The following DRP2 variants were observed in gnomAD, a reference collection of about 807,000 sequenced individuals.
DRP2 encodes dystrophin-related protein 2.
Under a neutral mutation model 78.2 loss-of-function variants are expected in DRP2, and 29 were observed. That is an observed-to-expected ratio of 0.37 (90% confidence interval 0.28 to 0.51). The LOEUF (loss-of-function observed/expected upper bound fraction) is 0.51. Among genes scored for constraint, DRP2 ranks in the 20% least tolerant of loss-of-function variants. The pLI, the probability that DRP2 is intolerant of heterozygous loss-of-function variation, is 0.94. For missense variants in DRP2, 686 were observed against 770.6 expected, an observed-to-expected ratio of 0.89 and a Z score of 1.30; for synonymous variants, 290 against 281.9, an observed-to-expected ratio of 1.03 and a Z score of -0.29.
intron 2 of DRP2, among the ~76,000 whole-genome samples, chrX:101,229,864 C>T (rs1173975210): frequency 1.8e-5 from 2 of 111,865 alleles, no homozygotes; most frequent in Non-Finnish European, 3.8e-5. Flanking sequence ...ACTTTGTCCC[C>T]ATATTTCTCC....
chrX:101,260,626 G>A lies in DRP2; in HGVS notation c.*5G>A, dbSNP rs770416185. The A allele has an allele frequency of 1.3e-5, 16 of 1,204,849 alleles. No individual in the cohort carries two copies. Among genetic ancestry groups the A allele is most frequent in the South Asian group, 5.4e-5 (3 of 55,213 alleles). On this transcript the variant is annotated 3_prime_UTR_variant, in exon 24 of 24. Coordinates refer to ENST00000395209, the MANE Select transcript of DRP2 (RefSeq NM_001939.3). ...AACACCCTGCTGGCCTCTTGATGGA[G>A]CCAGATCCCCATCCTATAGTTCATA...
Position 101,263,342 on chromosome X carries a change from G to A in DRP2, c.*2721G>A, listed in dbSNP as rs1333959201. 3 of 112,460 alleles carry A rather than the reference G, an allele frequency of 2.7e-5. No individual in the cohort carries two copies. The highest frequency in any genetic ancestry group is 9.7e-5 in the African/African-American group (3 of 30,914). 9.3% of individuals were successfully genotyped at this position (112,460 alleles called of 1,213,427 possible). A position where few individuals can be genotyped will look rare whatever the true frequency, so the allele number is the denominator to read the frequency against. ...CTGTGTAGTTTATAGCCCTACACTG[G>A]AAGGATGGTGAAGGGAGTTGCTAGA... On this transcript the variant is annotated 3_prime_UTR_variant, in exon 24 of 24. Coordinates refer to ENST00000395209, the MANE Select transcript of DRP2 (RefSeq NM_001939.3).
chrX:101,253,276 G>T (rs967247135), intron 17 of DRP2, among the ~76,000 whole-genome samples: 1 of 110,945 alleles, frequency 9.0e-6, no homozygotes, highest in African/African-American at 3.3e-5. Context: ...TGGTAACCAT[G>T]TCCTCCATAC....
chrX:101,251,170 AATT>A (rs1923129588), intron 16 of DRP2, 87 bp downstream of exon 16: 3 of 865,487 alleles, frequency 3.5e-6, no homozygotes, highest in Non-Finnish European at 4.8e-6. Flanking sequence ...AGTGTCACCT[AATT>A]ATTATATAAT....
chrX:101,235,440 C>T (rs1443144253), intron 3 of DRP2, among the ~76,000 whole-genome samples: 1 of 112,156 alleles, frequency 8.9e-6, no homozygotes, highest in East Asian at 2.8e-4. Flanking sequence ...ACTGTAGGAC[C>T]CTGAAGTATG....
chrX:101,243,003 T>C (rs377656160), intron 9 of DRP2, 21 bp downstream of exon 9: 74 of 1,195,551 alleles, frequency 6.2e-5, no homozygotes, highest in Non-Finnish European at 8.4e-5. Flanking sequence ...CAAACTGGAC[T>C]CCACTTAGCA....
chrX:101,222,057 G>GGT (rs748275062), intron 1 of DRP2, among the ~76,000 whole-genome samples: 5 of 110,157 alleles, frequency 4.5e-5, no homozygotes, highest in South Asian at 3.8e-4. Context: ...AAGTGTTGGG[G>GGT]GTGTGTGTGT....
In DRP2 at chrX:101,260,879, C is replaced by T. The variant is rs772736134; in HGVS notation, c.*258C>T. ...AAGTTCGAGATCAGCCCTTTAAGTA[C>T]CTTTCTGTTGCAGCCCAGGCAAATA... is the stretch of plus-strand genomic sequence containing the variant. On this transcript the variant is annotated 3_prime_UTR_variant, in exon 24 of 24. Coordinates refer to ENST00000395209, the MANE Select transcript of DRP2 (RefSeq NM_001939.3). 1 of 300,736 alleles carries T rather than the reference C, an allele frequency of 3.3e-6. No homozygotes were observed. Among genetic ancestry groups the T allele is most frequent in the Non-Finnish European group, 5.7e-6 (1 of 174,795 alleles). 24.8% of individuals were successfully genotyped at this position (300,736 alleles called of 1,213,427 possible).
chrX:101,258,319 G>A lies in DRP2; in HGVS notation c.2401G>A (p.Gly801Arg). 8.5e-7 allele frequency: 1 copy of A among 1,177,147 alleles called. No homozygotes were observed. The highest frequency in any genetic ancestry group is 1.1e-6 in the Non-Finnish European group (1 of 877,597). Residue 801 changes from glycine to arginine, a missense_variant, in exon 22 of 24, where the codon GGA becomes AGA. This residue lies in a region of DRP2 where 423 missense variants were observed against 531.5 expected (regional missense o/e 0.80). Coordinates refer to ENST00000395209, the MANE Select transcript of DRP2 (RefSeq NM_001939.3). ...CTCTCTCCATGGCAGGATTCTCCAGGGAGAGCTGAGGCGCCTGAAGTGGCA... is the reference window on the plus strand; with the variant it reads ...CTCTCTCCATGGCAGGATTCTCCAGAGAGAGCTGAGGCGCCTGAAGTGGCA... ...HLEDENRILQ[G>R]ELRRLKWQHE...
Position 101,241,751 on chromosome X carries a change from T to C in DRP2, c.643T>C (p.Leu215=), listed in dbSNP as rs1342939581. The C allele has an allele frequency of 8.3e-7, 1 of 1,211,696 alleles. No homozygotes were observed. Among genetic ancestry groups the C allele is most frequent in the Admixed American group, 2.2e-5 (1 of 46,011 alleles). The stretch of plus-strand genomic sequence containing the variant: ...GGTGGCCAGTGAACTGTGGGAGAAG[T>C]TGACAGCCCGCTGTGTGGACCAGCA... ...ATVASELWEK[L]TARCVDQHRH... The change falls in exon 7 of 24, where the codon TTG becomes CTG. Residue 215 remains leucine (L), a synonymous_variant. Coordinates refer to ENST00000395209, the MANE Select transcript of DRP2 (RefSeq NM_001939.3).
At position 101,250,551 on chromosome X, in the gene DRP2, G is replaced by A. The variant is rs768644640; in HGVS notation, c.1669G>A (p.Glu557Lys). Residue 557 changes from glutamate (E) to lysine (K), a missense_variant, in exon 15 of 24, where the codon GAG becomes AAG. Around this residue, in one of 2 missense-constraint regions of DRP2, gnomAD observed 423 missense variants for 531.5 expected, o/e 0.80. Transcript: ENST00000395209. ...EVAAFGGSNVEPSVRSCFRFS... is the reference protein window; with the variant it reads ...EVAAFGGSNVKPSVRSCFRFS... ...GGCAGCCTTTGGGGGCAGCAATGTG[G>A]AGCCCAGTGTCCGTAGTTGCTTCCG... 1.7e-6 allele frequency: 2 copies of A among 1,206,229 alleles called. No individual in the cohort carries two copies. The highest frequency in any genetic ancestry group is 5.9e-5 in the East Asian group (2 of 33,737).
intron 14 of DRP2, among the ~76,000 whole-genome samples, chrX:101,249,512 C>G (rs1009651608): frequency 9.0e-6 from 1 of 111,473 alleles, no homozygotes; most frequent in Non-Finnish European, 1.9e-5. Flanking sequence ...AATCCCAGCA[C>G]TTTGGGAGGC....
chrX:101,242,627 G>A, intron 8 of DRP2, among the ~76,000 whole-genome samples, 156 bp downstream of exon 8: 1 of 111,442 alleles, frequency 9.0e-6, no homozygotes, highest in Non-Finnish European at 1.9e-5. Context: ...CTAAGCTGCA[G>A]GGAATGATTA....
At chrX:101,228,438 G>A (rs1212751508) in intron 2 of DRP2, among the ~76,000 whole-genome samples, 1 of 111,743 alleles carries the variant, frequency 8.9e-6, no homozygotes, top group Non-Finnish European at 1.9e-5. Context: ...AATTCTGTGA[G>A]GATGCTATCA....
At chrX:101,256,994 T>C (rs1263158247) in intron 21 of DRP2, among the ~76,000 whole-genome samples, 1 of 109,107 alleles carries the variant, frequency 9.2e-6, no homozygotes, top group African/African-American at 3.3e-5. Context: ...TGGAAAGAAA[T>C]GTGTATCACC....
In DRP2 at chrX:101,250,973, G is replaced by A. The variant is rs138040503; in HGVS notation, c.1755G>A (p.Glu585=). Residue 585 remains glutamate (E), a synonymous_variant, in exon 16 of 24, where the codon GAG becomes GAA. Transcript: ENST00000395209. ...AGTTCCTGGAGTGGGTCAACCTGGAGCCCCAGTCCATGGTGTGGCTGGCTG... is the reference window on the plus strand; with the variant it reads ...AGTTCCTGGAGTGGGTCAACCTGGAACCCCAGTCCATGGTGTGGCTGGCTG... ...ASQFLEWVNL[E]PQSMVWLAVL... 9,369 of 1,210,057 alleles carry A rather than the reference G, an allele frequency of 7.7e-3. 34 individuals are homozygous for A. The highest frequency in any genetic ancestry group is 9.0e-3 in the Non-Finnish European group (8,064 of 895,223).
At chrX:101,242,698 A>C (rs1416073226) in intron 8 of DRP2, among the ~76,000 whole-genome samples, 3 of 110,556 alleles carry the variant, frequency 2.7e-5, no homozygotes, top group African/African-American at 9.9e-5. Context: ...GCAGGGGAAG[A>C]GTGACTGTGG....
Position 101,239,016 on chromosome X carries a change from C to T in DRP2, c.474C>T (p.Tyr158=). The T allele has an allele frequency of 1.7e-6, 2 of 1,211,352 alleles. No individual in the cohort carries two copies. Among genetic ancestry groups the T allele is most frequent in the Non-Finnish European group, 2.2e-6 (2 of 895,280 alleles). The change falls in exon 6 of 24, where the codon TAC becomes TAT. Residue 158 remains tyrosine (Y), a synonymous_variant. Transcript: ENST00000395209. ...AAGAAGTCAAGTCTCGGGGCCCCTA[C>T]ATCTATTCTGTGCTGGAGTCAGCTC... The part of the protein sequence containing the change: ...FMEEVKSRGP[Y]IYSVLESAQA...
intron 3 of DRP2, among the ~76,000 whole-genome samples, chrX:101,232,515 A>T (rs1922343048): frequency 9.0e-6 from 1 of 111,201 alleles, no homozygotes; most frequent in South Asian, 3.8e-4. Flanking sequence ...GTGCTGAGTC[A>T]CTGCTGGGAG....
Sources: gnomAD v4.1 joint callset for allele counts (sites outside exome capture counted in the v4.1 genomes callset) on GRCh38, gnomAD v4.1.1 for gene constraint, gnomAD v4.1.1 regional missense constraint, MANE v1.5 for transcripts, NCBI Gene and HGNC (gene_info 2026-07-23, HGNC 2026-07-21) for gene names.